The following COLEC10 variants were observed in gnomAD, a reference collection of about 807,000 sequenced individuals.
The protein encoded by COLEC10 is collectin-10.
In COLEC10, 22 loss-of-function variants were observed where a neutral mutation model predicts 28.4. That is an observed-to-expected ratio of 0.78 (90% CI 0.55 to 1.11). The LOEUF (loss-of-function observed/expected upper bound fraction) is 1.11. Among genes scored for constraint, COLEC10 ranks in the 50% least tolerant of loss-of-function variants. COLEC10 has a pLI of 0.00. For missense variants in COLEC10, 361 were observed against 344.1 expected, an observed-to-expected ratio of 1.05 and a Z score of -0.39; for synonymous variants, 125 against 116.1, an observed-to-expected ratio of 1.08 and a Z score of -0.49.
intron 3 of COLEC10, among the ~76,000 whole-genome samples, chr8:119,096,645 G>T (rs1220529092): frequency 6.6e-6 from 1 of 151,844 alleles, no homozygotes; most frequent in Non-Finnish European, 1.5e-5. Context: ...ATACTTCTCA[G>T]AGAACAAAAA....
chr8:119,097,024 A>G (rs1273696970), intron 3 of COLEC10, among the ~76,000 whole-genome samples: 2 of 152,098 alleles, frequency 1.3e-5, no homozygotes, highest in Non-Finnish European at 2.9e-5. Flanking sequence ...GAAAAAAACT[A>G]TATGCCAAAT....
At chr8:119,070,446 G>GCTCTCTCTCTCT (rs760543405) in intron 1 of COLEC10, among the ~76,000 whole-genome samples, 1,338 of 80,564 alleles carry the variant, frequency 0.017, 127 homozygotes, top group African/African-American at 0.053. Context: ...GTTCTCCCTC[G>GCTCTCTCTCTCT]CTCTCTCTCT....
intron 2 of COLEC10, among the ~76,000 whole-genome samples, chr8:119,022,632 C>G (rs1409610273): frequency 1.3e-5 from 2 of 152,004 alleles, no homozygotes; most frequent in Non-Finnish European, 2.9e-5. Flanking sequence ...TTCCCACCTT[C>G]TCTTCTACCA....
the COLEC10 span, among the ~76,000 whole-genome samples, chr8:118,960,717 G>T: frequency 1.3e-5 from 2 of 150,698 alleles, no homozygotes; most frequent in South Asian, 4.2e-4. Context: ...CCGGTGGGGG[G>T]TGGAGGTTGC....
chr8:118,975,658 C>G, the COLEC10 span, among the ~76,000 whole-genome samples: 3 of 151,932 alleles, frequency 2.0e-5, no homozygotes, highest in Non-Finnish European at 2.9e-5. Context: ...AACTATTAAT[C>G]TTGCCTTCTC....
At chr8:119,061,221 A>C (rs1246883137) in intron 2 of COLEC10, among the ~76,000 whole-genome samples, 2 of 150,714 alleles carry the variant, frequency 1.3e-5, no homozygotes, top group East Asian at 3.8e-4. Context: ...TTAGAAGACT[A>C]ATCCAAAAGA....
the COLEC10 span, chr8:118,976,443 G>A: frequency 2.0e-5 from 3 of 152,092 alleles, no homozygotes; most frequent in Non-Finnish European, 1.5e-5. Flanking sequence ...CAGAGAAATT[G>A]TAATGTGACT....
upstream of COLEC10, among the ~76,000 whole-genome samples, chr8:118,993,308 C>T (rs1813534996): frequency 6.6e-6 from 1 of 152,028 alleles, no homozygotes; most frequent in African/African-American, 2.4e-5. Flanking sequence ...TTTCTGTTTT[C>T]TCACATGATC....
intron 2 of COLEC10, among the ~76,000 whole-genome samples, chr8:119,090,162 G>T (rs1815560626): frequency 6.6e-6 from 1 of 152,114 alleles, no homozygotes; most frequent in Non-Finnish European, 1.5e-5. Context: ...CTGATTCATT[G>T]ATCTATTCAC....
At chr8:119,034,249 G>C (rs980214282) in intron 2 of COLEC10, among the ~76,000 whole-genome samples, 3 of 152,078 alleles carry the variant, frequency 2.0e-5, no homozygotes, top group Admixed American at 1.3e-4. Context: ...TTGGAGGATG[G>C]GGGGTGGGGA....
chr8:119,016,241 A>G (rs1335572817), intron 2 of COLEC10, among the ~76,000 whole-genome samples: 1 of 151,820 alleles, frequency 6.6e-6, no homozygotes, highest in Non-Finnish European at 1.5e-5. Context: ...ACGTGTTCTC[A>G]TTGTTCACCT....
At chr8:119,074,968 C>T (rs758768219) in intron 1 of COLEC10, among the ~76,000 whole-genome samples, 2 of 152,130 alleles carry the variant, frequency 1.3e-5, no homozygotes, top group South Asian at 2.1e-4. Context: ...AGTTAAGCCG[C>T]GTAAAGCTCT....
At chr8:119,005,307 C>T (rs796278496) in intron 1 of COLEC10, among the ~76,000 whole-genome samples, 8 of 152,254 alleles carry the variant, frequency 5.3e-5, no homozygotes, top group African/African-American at 1.9e-4. Flanking sequence ...TTATTTTAAT[C>T]ACAGTCACAT....
At chr8:119,082,252 T>A (rs1055983765) in intron 1 of COLEC10, among the ~76,000 whole-genome samples, 4 of 152,146 alleles carry the variant, frequency 2.6e-5, no homozygotes, top group Non-Finnish European at 4.4e-5. Flanking sequence ...TGGGCTGCCT[T>A]ATGAGATTAT....
At position 119,097,063 on chromosome 8, in the gene COLEC10, T is replaced by C. The variant is rs938680150; in HGVS notation, c.293-5285T>C. Among the ~76,000 whole-genome samples, 4 of 152,114 alleles carry C rather than the reference T, an allele frequency of 2.6e-5. No individual in the cohort carries two copies. In the East Asian group the frequency reaches 7.7e-4, roughly 29 times the overall value. Reference sequence around the variant, plus strand: ...TCTATTTATAGAAATTTCAACAACATGAAAAATTTATAGCTTGAAAACTTG... The same window carrying C: ...TCTATTTATAGAAATTTCAACAACACGAAAAATTTATAGCTTGAAAACTTG... On this transcript the variant is annotated intron_variant, in intron 3 of 5. Transcript: ENST00000332843.
the COLEC10 span, among the ~76,000 whole-genome samples, chr8:118,984,091 T>A: frequency 1.3e-5 from 2 of 151,928 alleles, no homozygotes; most frequent in African/African-American, 2.4e-5. Flanking sequence ...TAAATGTCCA[T>A]CAGTGGTAGA....
At chr8:118,986,128 A>G in the COLEC10 span, among the ~76,000 whole-genome samples, 1 of 152,182 alleles carries the variant, frequency 6.6e-6, no homozygotes, top group African/African-American at 2.4e-5. Flanking sequence ...TAATACAATG[A>G]AAACTCCAAA....
At chr8:119,084,967 T>C (rs1815443409) in intron 1 of COLEC10, among the ~76,000 whole-genome samples, 1 of 152,220 alleles carries the variant, frequency 6.6e-6, no homozygotes, top group Non-Finnish European at 1.5e-5. Context: ...CTATTCTCAT[T>C]AAAGCAGACA....
At chr8:118,982,946 C>G in the COLEC10 span, 1 of 152,184 alleles carries the variant, frequency 6.6e-6, no homozygotes, top group Non-Finnish European at 1.5e-5. Context: ...ACACCATCCT[C>G]TGATTTATTT....
Sources: gnomAD v4.1 joint callset for allele counts (sites outside exome capture counted in the v4.1 genomes callset) on GRCh38, gnomAD v4.1.1 for gene constraint, MANE v1.5 for transcripts, NCBI Gene and HGNC (gene_info 2026-07-23, HGNC 2026-07-21) for gene names.